The following P3H2 variants were observed in gnomAD, a reference collection of about 807,000 sequenced individuals.
P3H2 encodes the protein prolyl 3-hydroxylase 2.
A neutral mutation model predicts 87.0 loss-of-function variants in P3H2; 80 were observed. The observed-to-expected ratio is 0.92, with a 90% CI of 0.77 to 1.11. The LOEUF is 1.11. P3H2 is among the 50% of genes least tolerant of loss of function. The pLI is 0.00. For missense variants in P3H2, 1,001 were observed against 923.9 expected (o/e 1.08, Z -1.08); for synonymous variants, 367 against 359.3 (o/e 1.02, Z -0.24).
intron 1 of P3H2, among the ~76,000 whole-genome samples, chr3:190,114,245 G>A (rs375457671): frequency 6.8e-6 from 1 of 146,494 alleles, no homozygotes; most frequent in African/African-American, 2.5e-5. Context: ...GTGCGGTGGC[G>A]CCATCTCGGC....
At chr3:190,096,829 A>C in intron 1 of P3H2, among the ~76,000 whole-genome samples, 1 of 152,206 alleles carries the variant, frequency 6.6e-6, no homozygotes, top group East Asian at 1.9e-4. Flanking sequence ...AATACCACCT[A>C]TCAGAAAAGA....
At chr3:190,054,795 T>G (rs565544211) in intron 1 of P3H2, among the ~76,000 whole-genome samples, 17 of 152,250 alleles carry the variant, frequency 1.1e-4, no homozygotes, top group African/African-American at 3.4e-4. Context: ...CTTCATTCAG[T>G]ATTATGAGTA....
chr3:190,051,898 G>C (rs1239998931), intron 1 of P3H2, among the ~76,000 whole-genome samples: 1 of 152,092 alleles, frequency 6.6e-6, no homozygotes, highest in Non-Finnish European at 1.5e-5. Flanking sequence ...TCTCAGGCCT[G>C]GGAATGCCAT....
chr3:190,102,785 C>T (rs77594297), intron 1 of P3H2, among the ~76,000 whole-genome samples: 10,580 of 152,204 alleles, frequency 0.07, 486 homozygotes, highest in African/African-American at 0.13. Context: ...TCAAACAGCA[C>T]AGTATGCTAC....
At chr3:190,009,242 C>G (rs1246315935) in intron 1 of P3H2, among the ~76,000 whole-genome samples, 1 of 152,112 alleles carries the variant, frequency 6.6e-6, no homozygotes, top group Admixed American at 6.5e-5. Context: ...AAGTTAAGCA[C>G]ATATTAGGTT....
At chr3:190,093,408 G>A (rs747493401) in intron 1 of P3H2, among the ~76,000 whole-genome samples, 1 of 152,184 alleles carries the variant, frequency 6.6e-6, no homozygotes, top group Admixed American at 6.5e-5. Flanking sequence ...TTGGTCTGGA[G>A]AGAAAGGGAA....
intron 1 of P3H2, among the ~76,000 whole-genome samples, chr3:190,054,851 C>T (rs1212423382): frequency 1.3e-5 from 2 of 152,144 alleles, no homozygotes; most frequent in African/African-American, 2.4e-5. Context: ...CTTCACATTA[C>T]AGAATTGTAT....
intron 14 of P3H2, among the ~76,000 whole-genome samples, chr3:189,962,502 C>T (rs574123904): frequency 1.3e-5 from 2 of 152,272 alleles, no homozygotes; most frequent in East Asian, 1.9e-4. Flanking sequence ...GCCTGGCTAT[C>T]GTCTTTGCTT....
chr3:190,089,292 A>G (rs1043268510), intron 1 of P3H2, among the ~76,000 whole-genome samples: 1 of 152,216 alleles, frequency 6.6e-6, no homozygotes, highest in Non-Finnish European at 1.5e-5. Context: ...TGGGTGCAGC[A>G]CACCAACATA....
At chr3:190,074,247 T>A (rs1048850561) in intron 1 of P3H2, among the ~76,000 whole-genome samples, 2 of 152,184 alleles carry the variant, frequency 1.3e-5, no homozygotes, top group African/African-American at 4.8e-5. Context: ...CGGTGGCTCA[T>A]GCCTGTAATC....
intron 1 of P3H2, among the ~76,000 whole-genome samples, chr3:190,085,825 T>A (rs755641620): frequency 1.3e-5 from 2 of 152,204 alleles, no homozygotes; most frequent in Non-Finnish European, 2.9e-5. Flanking sequence ...TCTCTTTACC[T>A]TAGTTGGGTC....
intron 1 of P3H2, among the ~76,000 whole-genome samples, chr3:190,061,224 CT>C (rs1161525908): frequency 6.6e-6 from 1 of 152,098 alleles, no homozygotes; most frequent in Non-Finnish European, 1.5e-5. Context: ...AGCTCCTTCA[CT>C]TTTTTTCCTC....
chr3:190,094,530 T>C (rs746254212), intron 1 of P3H2, among the ~76,000 whole-genome samples: 4 of 152,074 alleles, frequency 2.6e-5, no homozygotes, highest in Non-Finnish European at 5.9e-5. Context: ...TCCCTACAGG[T>C]TCCACAGAAC....
At chr3:189,976,811 A>G (rs2108911678) in intron 8 of P3H2, among the ~76,000 whole-genome samples, 1 of 152,318 alleles carries the variant, frequency 6.6e-6, no homozygotes, top group East Asian at 1.9e-4. Context: ...ATTTATAAAT[A>G]TGGAATTTTT....
intron 2 of P3H2, 133 bp from the exon 3 acceptor site, chr3:189,994,416 C>T (rs890218145): frequency 1.9e-5 from 13 of 702,184 alleles, no homozygotes; most frequent in Non-Finnish European, 2.9e-5. Context: ...GCTTCTGCTG[C>T]GGAGGGATAA....
chr3:190,041,517 T>C (rs1725636299), intron 1 of P3H2, among the ~76,000 whole-genome samples: 1 of 152,110 alleles, frequency 6.6e-6, no homozygotes, highest in Non-Finnish European at 1.5e-5. Flanking sequence ...TGCAAACTAG[T>C]ACTTCAGTCA....
chr3:190,027,083 T>A (rs999679138), intron 1 of P3H2, among the ~76,000 whole-genome samples: 1 of 152,230 alleles, frequency 6.6e-6, no homozygotes, highest in Non-Finnish European at 1.5e-5. Context: ...GGTACTACTA[T>A]CATTCTCACT....
chr3:190,083,262 GTTCACAGTGGAT>G (rs760153922), intron 1 of P3H2, among the ~76,000 whole-genome samples: 16 of 152,194 alleles, frequency 1.1e-4, no homozygotes, highest in Non-Finnish European at 1.9e-4. Flanking sequence ...GGGATGGGAT[GTTCACAGTGGAT>G]TTCTAACAAA....
At chr3:190,038,013 C>G (rs1725477150) in intron 1 of P3H2, among the ~76,000 whole-genome samples, 1 of 152,100 alleles carries the variant, frequency 6.6e-6, no homozygotes, top group African/African-American at 2.4e-5. Flanking sequence ...GTGATGAAAA[C>G]TATCTTTTTA....
Sources: gnomAD v4.1 joint callset for allele counts (sites outside exome capture counted in the v4.1 genomes callset) on GRCh38, gnomAD v4.1.1 for gene constraint, MANE v1.5 for transcripts, NCBI Gene and HGNC (gene_info 2026-07-23, HGNC 2026-07-21) for gene names.